Variants in TTLL11 observed in about 807,000 individuals in gnomAD.
TTLL11 encodes the protein tubulin polyglutamylase TTLL11.
In TTLL11, 42 loss-of-function variants were observed where a neutral mutation model predicts 51.7. That is an observed-to-expected ratio of 0.81 (90% CI 0.64 to 1.05). The LOEUF (loss-of-function observed/expected upper bound fraction) is 1.05, where lower values mean the gene tolerates loss of function less well. Ranked by LOEUF, TTLL11 falls within the 50% of genes least tolerant of loss-of-function variation. TTLL11 has a pLI of 0.00. For missense variants in TTLL11, 799 were observed against 940.4 expected (o/e 0.85, Z 1.97); for synonymous variants, 381 against 383.5 (o/e 0.99, Z 0.08).
intron 4 of TTLL11, among the ~76,000 whole-genome samples, chr9:121,981,474 T>C (rs1205161143): frequency 1.3e-5 from 2 of 152,282 alleles, no homozygotes; most frequent in African/African-American, 4.8e-5. Context: ...TATATAGTTA[T>C]AATAGCTGTT....
At position 121,922,760 on chromosome 9, in the gene TTLL11, A is replaced by AGTGTGTGTGTGTGTGT. The variant is rs71370699; in HGVS notation, c.1481+51233_1481+51248dup. Among the ~76,000 whole-genome samples the AGTGTGTGTGTGTGTGT allele has an allele frequency of 1.1e-3, 163 of 148,314 alleles. 1 individual carries two copies. The highest frequency in any genetic ancestry group is 3.4e-3 in the African/African-American group (138 of 40,304). ...TAGCGCAAAGGGTCAATATCTATTC[A>AGTGTGTGTGTGTGTGT]GTGTGTGTGTGTGTGTGTGTGTGTG... On this transcript the variant is annotated intron_variant, in intron 6 of 8. Coordinates refer to ENST00000321582, the MANE Select transcript of TTLL11 (RefSeq NM_001139442.2).
chr9:122,063,622 C>T (rs1474617404), intron 1 of TTLL11, among the ~76,000 whole-genome samples: 2 of 152,186 alleles, frequency 1.3e-5, no homozygotes, highest in Non-Finnish European at 2.9e-5. Context: ...CACAGAATTT[C>T]TTAAAGGCAA....
chr9:121,895,957 TGTGTGG>T (rs1191726199), intron 6 of TTLL11, among the ~76,000 whole-genome samples: 1 of 108,890 alleles, frequency 9.2e-6, no homozygotes, highest in African/African-American at 3.1e-5. Flanking sequence ...TGGGTGTGGG[TGTGTGG>T]GTGTGGGTGT....
chr9:121,846,700 A>T (rs913552527), intron 8 of TTLL11, among the ~76,000 whole-genome samples: 2 of 152,208 alleles, frequency 1.3e-5, no homozygotes, highest in Middle Eastern at 3.2e-3. Context: ...GGTCCAAAAA[A>T]ATCTCAAAAG....
intron 7 of TTLL11, among the ~76,000 whole-genome samples, chr9:121,868,049 T>C (rs2131392746): frequency 6.6e-6 from 1 of 152,290 alleles, no homozygotes; most frequent in Middle Eastern, 3.4e-3. Context: ...CATTCCTTCA[T>C]GTTCTCTGAT....
At chr9:121,933,259 G>T (rs1414714646) in intron 6 of TTLL11, among the ~76,000 whole-genome samples, 1 of 152,198 alleles carries the variant, frequency 6.6e-6, no homozygotes, top group East Asian at 1.9e-4. Context: ...TACCATAGAT[G>T]CCGGGAAAGA....
chr9:121,964,361 G>T (rs1842336470), intron 6 of TTLL11, among the ~76,000 whole-genome samples: 1 of 151,916 alleles, frequency 6.6e-6, no homozygotes, highest in South Asian at 2.1e-4. Flanking sequence ...GCAATGGTGT[G>T]ATCTCAGCTC....
intron 1 of TTLL11, among the ~76,000 whole-genome samples, chr9:122,061,952 G>C (rs994683855): frequency 7.2e-5 from 11 of 152,140 alleles, no homozygotes; most frequent in African/African-American, 2.7e-4. Context: ...TCTTTTTCAA[G>C]TGTCTATTAG....
At chr9:122,011,521 A>T (rs1843791067) in intron 3 of TTLL11, among the ~76,000 whole-genome samples, 1 of 152,202 alleles carries the variant, frequency 6.6e-6, no homozygotes, top group African/African-American at 2.4e-5. Context: ...TTAAAATCTG[A>T]ATAAATTCTG....
chr9:122,071,709 G>A (rs1845735153), intron 1 of TTLL11, among the ~76,000 whole-genome samples: 2 of 152,176 alleles, frequency 1.3e-5, no homozygotes, highest in South Asian at 2.1e-4. Context: ...GCCTGATCAG[G>A]TACCTGGCCT....
intron 6 of TTLL11, among the ~76,000 whole-genome samples, chr9:121,973,308 T>C (rs1842620509): frequency 6.6e-6 from 1 of 152,232 alleles, no homozygotes; most frequent in South Asian, 2.1e-4. Flanking sequence ...TAAAAGTTTA[T>C]ACTGCAAGAG....
At chr9:121,954,795 T>C (rs1841971018) in intron 6 of TTLL11, among the ~76,000 whole-genome samples, 2 of 152,218 alleles carry the variant, frequency 1.3e-5, no homozygotes, top group Non-Finnish European at 2.9e-5. Context: ...TAAAAACAAC[T>C]GGCAAAATTT....
chr9:122,073,814 C>T (rs1218931124), intron 1 of TTLL11, among the ~76,000 whole-genome samples: 1 of 152,220 alleles, frequency 6.6e-6, no homozygotes, highest in Non-Finnish European at 1.5e-5. Context: ...CCTTTCTCTA[C>T]CTCCAGGCTG....
intron 8 of TTLL11, among the ~76,000 whole-genome samples, chr9:121,849,046 T>A (rs948136395): frequency 6.6e-6 from 1 of 152,234 alleles, no homozygotes; most frequent in East Asian, 1.9e-4. Flanking sequence ...AGTAAAAGAA[T>A]AGGTAACTAG....
chr9:122,003,992 C>T (rs1387415182), intron 3 of TTLL11, among the ~76,000 whole-genome samples: 3 of 151,262 alleles, frequency 2.0e-5, no homozygotes, highest in Non-Finnish European at 4.4e-5. Context: ...TGTGGTGGCA[C>T]GCACCTGTAG....
At chr9:121,858,595 T>C (rs1837900467) in intron 8 of TTLL11, among the ~76,000 whole-genome samples, 1 of 152,104 alleles carries the variant, frequency 6.6e-6, no homozygotes, top group Admixed American at 6.5e-5. Context: ...ATCTCTGTAG[T>C]TGGGAAGTTT....
intron 6 of TTLL11, among the ~76,000 whole-genome samples, chr9:121,895,914 ATGTGTGGGTGTGTCTGTGTGGGTGTGTT>A (rs1839494808): frequency 2.2e-4 from 1 of 4,606 alleles, no homozygotes; most frequent in Non-Finnish European, 5.1e-4. Flanking sequence ...CTTTGTGTGG[ATGTGTGGGTGTGTCTGTGTGGGTGTGTT>A]TGTGTGGGTG....
At chr9:122,021,487 C>A (rs915106834) in intron 3 of TTLL11, among the ~76,000 whole-genome samples, 1 of 152,160 alleles carries the variant, frequency 6.6e-6, no homozygotes, top group African/African-American at 2.4e-5. Flanking sequence ...GCAGAGGTAG[C>A]AGTGCCTGGT....
intron 2 of TTLL11, among the ~76,000 whole-genome samples, chr9:122,036,388 C>A (rs569927119): frequency 1.3e-5 from 2 of 151,868 alleles, no homozygotes; most frequent in Non-Finnish European, 2.9e-5. Flanking sequence ...TGAGAATGGA[C>A]AGTTTTGGAC....
Sources: gnomAD v4.1 joint callset for allele counts (sites outside exome capture counted in the v4.1 genomes callset) on GRCh38, gnomAD v4.1.1 for gene constraint, MANE v1.5 for transcripts, NCBI Gene and HGNC (gene_info 2026-07-23, HGNC 2026-07-21) for gene names.